CDH13: variants seen among roughly 807,000 people sequenced by gnomAD.
CDH13 encodes the protein cadherin-13.
CDH13 carries 24 observed loss-of-function variants against 63.8 expected under a neutral mutation model. That is an observed-to-expected ratio of 0.38 (90% CI 0.27 to 0.53). The LOEUF is 0.53. Ranked by LOEUF, CDH13 falls within the 20% of genes least tolerant of loss-of-function variation. The pLI is 0.85. For missense variants in CDH13, 1,049 were observed against 903.1 expected, an observed-to-expected ratio of 1.16 and a Z score of -2.07; for synonymous variants, 503 against 355.3, an observed-to-expected ratio of 1.42 and a Z score of -4.67.
intron 10 of CDH13, among the ~76,000 whole-genome samples, chr16:83,715,063 C>T (rs946709065): frequency 1.3e-5 from 2 of 152,140 alleles, no homozygotes; most frequent in Non-Finnish European, 2.9e-5. Flanking sequence ...AGTTTTATTG[C>T]TATCATTTAG....
At chr16:82,980,661 C>T (rs921966348) in intron 2 of CDH13, among the ~76,000 whole-genome samples, 1 of 152,166 alleles carries the variant, frequency 6.6e-6, no homozygotes, top group Admixed American at 6.5e-5. Flanking sequence ...AAGAAACAGA[C>T]TTTAAAGATT....
At chr16:83,469,816 C>T (rs1468229448) in intron 6 of CDH13, among the ~76,000 whole-genome samples, 1 of 152,064 alleles carries the variant, frequency 6.6e-6, no homozygotes, top group African/African-American at 2.4e-5. Flanking sequence ...TGGGACTGAC[C>T]CATCAAAGCA....
chr16:83,707,321 C>T (rs1446339218), intron 10 of CDH13, among the ~76,000 whole-genome samples: 1 of 152,156 alleles, frequency 6.6e-6, no homozygotes, highest in Non-Finnish European at 1.5e-5. Flanking sequence ...TTCCTCCATT[C>T]TATTTTATAA....
At chr16:83,681,086 C>T (rs1469890195) in intron 10 of CDH13, among the ~76,000 whole-genome samples, 1 of 151,784 alleles carries the variant, frequency 6.6e-6, no homozygotes, top group African/African-American at 2.4e-5. Context: ...CTCTCTGAAC[C>T]AAGCAGAAGA....
At chr16:83,161,964 T>C (rs1213294264) in intron 4 of CDH13, among the ~76,000 whole-genome samples, 1 of 152,218 alleles carries the variant, frequency 6.6e-6, no homozygotes, top group South Asian at 2.1e-4. Context: ...GAATCCATCT[T>C]TTTCTATCAG....
chr16:83,563,888 C>T (rs1371331141), intron 7 of CDH13, among the ~76,000 whole-genome samples: 3 of 151,950 alleles, frequency 2.0e-5, no homozygotes, highest in African/African-American at 4.8e-5. Context: ...TTTGTTTATT[C>T]CGTGAAGTTA....
intron 1 of CDH13, among the ~76,000 whole-genome samples, chr16:82,857,562 C>T (rs890765966): frequency 6.6e-6 from 1 of 152,160 alleles, no homozygotes; most frequent in South Asian, 2.1e-4. Context: ...AATCACGTAA[C>T]CTAAATTTTT....
intron 1 of CDH13, among the ~76,000 whole-genome samples, chr16:82,727,044 A>G (rs974184449): frequency 2.8e-4 from 43 of 152,200 alleles, no homozygotes; most frequent in African/African-American, 9.6e-4. Flanking sequence ...TCCATCAGAA[A>G]TTGCCTGTGC....
intron 7 of CDH13, among the ~76,000 whole-genome samples, chr16:83,512,163 T>C (rs1415995176): frequency 1.4e-5 from 2 of 146,758 alleles, no homozygotes; most frequent in Non-Finnish European, 3.0e-5. Context: ...GTCCTAAAAA[T>C]ACAAAAAATT....
intron 5 of CDH13, among the ~76,000 whole-genome samples, chr16:83,328,247 C>A (rs2090410220): frequency 6.6e-6 from 1 of 152,080 alleles, no homozygotes; most frequent in Non-Finnish European, 1.5e-5. Context: ...GAAGTCCATG[C>A]TTGGAATCTC....
intron 5 of CDH13, among the ~76,000 whole-genome samples, chr16:83,301,325 C>A (rs115907191): frequency 0.022 from 3,282 of 152,240 alleles, 119 homozygotes; most frequent in African/African-American, 0.074. Context: ...GCCACCGCAC[C>A]TGGTCAGGGT....
At chr16:83,403,311 G>T (rs563306554) in intron 6 of CDH13, among the ~76,000 whole-genome samples, 1 of 152,224 alleles carries the variant, frequency 6.6e-6, no homozygotes, top group African/African-American at 2.4e-5. Context: ...GAAATCCTGA[G>T]ACTTGGAGGA....
At chr16:83,666,462 C>T (rs1392868055) in intron 8 of CDH13, among the ~76,000 whole-genome samples, 2 of 152,054 alleles carry the variant, frequency 1.3e-5, no homozygotes, top group African/African-American at 4.8e-5. Context: ...TGTATTCTCT[C>T]AGGAGTAGAT....
At chr16:83,262,516 T>C (rs969706361) in intron 5 of CDH13, among the ~76,000 whole-genome samples, 4 of 152,192 alleles carry the variant, frequency 2.6e-5, no homozygotes, top group Non-Finnish European at 5.9e-5. Context: ...CCGTGAGCCA[T>C]TGGGAAGTAT....
At chr16:83,463,483 C>G (rs919678934) in intron 6 of CDH13, among the ~76,000 whole-genome samples, 5 of 152,160 alleles carry the variant, frequency 3.3e-5, no homozygotes, top group Non-Finnish European at 4.4e-5. Context: ...ACACTACACA[C>G]AGGCTCTTGA....
At chr16:82,684,943 G>A (rs1213708556) in intron 1 of CDH13, among the ~76,000 whole-genome samples, 4 of 149,868 alleles carry the variant, frequency 2.7e-5, no homozygotes, top group Non-Finnish European at 4.5e-5. Context: ...TTGAAAATGA[G>A]TAAATTCACC....
intron 7 of CDH13, among the ~76,000 whole-genome samples, chr16:83,504,871 C>T (rs560342313): frequency 6.6e-6 from 1 of 152,222 alleles, no homozygotes; most frequent in African/African-American, 2.4e-5. Context: ...TAATTAGTGT[C>T]CTGCCAGGTA....
At chr16:83,445,456 C>G (rs1013116096) in intron 6 of CDH13, among the ~76,000 whole-genome samples, 8 of 152,084 alleles carry the variant, frequency 5.3e-5, no homozygotes, top group Non-Finnish European at 8.8e-5. Context: ...TTTCCTCAGG[C>G]TTCTGGGTCA....
chr16:82,654,423 CT>C (rs1567593886), intron 1 of CDH13, among the ~76,000 whole-genome samples: 7 of 152,160 alleles, frequency 4.6e-5, no homozygotes, highest in Non-Finnish European at 1.0e-4. Flanking sequence ...TTGAAAACTT[CT>C]CTTGGTTCTC....
Sources: allele counts gnomAD v4.1 joint callset (sites outside exome capture counted in the v4.1 genomes callset), GRCh38; gene constraint gnomAD v4.1.1; transcripts MANE v1.5; gene names NCBI Gene and HGNC (gene_info 2026-07-23, HGNC 2026-07-21).